MECOM: variants seen among roughly 807,000 people sequenced by gnomAD.
MECOM encodes the protein MDS1 and EVI1 complex locus.
In MECOM, 13 loss-of-function variants were observed where a neutral mutation model predicts 116.3. The observed-to-expected ratio is 0.11, with a 90% CI of 0.07 to 0.18. The LOEUF is 0.18. Ranked by LOEUF, MECOM falls within the 10% of genes least tolerant of loss-of-function variation. The pLI is 1.00. For missense variants in MECOM, 1,299 were observed against 1,509.0 expected, an observed-to-expected ratio of 0.86 and a Z score of 2.31; for synonymous variants, 528 against 535.2, an observed-to-expected ratio of 0.99 and a Z score of 0.19.
chr3:169,386,894 A>G (rs1476052997), intron 1 of MECOM, among the ~76,000 whole-genome samples: 1 of 152,166 alleles, frequency 6.6e-6, no homozygotes, highest in Non-Finnish European at 1.5e-5. Context: ...CTTAATTCAC[A>G]TCTCAGTTGA....
intron 1 of MECOM, among the ~76,000 whole-genome samples, chr3:169,643,421 G>A (rs1276408289): frequency 6.6e-6 from 1 of 152,104 alleles, no homozygotes; most frequent in Non-Finnish European, 1.5e-5. Flanking sequence ...GCTGCACCTT[G>A]CACATCCCCT....
At chr3:169,156,443 C>G (rs1742002441) in intron 2 of MECOM, among the ~76,000 whole-genome samples, 1 of 152,002 alleles carries the variant, frequency 6.6e-6, no homozygotes. Flanking sequence ...TGACTGTTCT[C>G]AACTCTTGAT....
At chr3:169,380,835 G>T (rs945308517) in intron 2 of MECOM, among the ~76,000 whole-genome samples, 2 of 152,064 alleles carry the variant, frequency 1.3e-5, no homozygotes, top group African/African-American at 4.8e-5. Context: ...AAGATAAAAT[G>T]CAATAAACAT....
At chr3:169,454,950 C>T (rs923395412) in intron 1 of MECOM, among the ~76,000 whole-genome samples, 1 of 152,174 alleles carries the variant, frequency 6.6e-6, no homozygotes, top group Non-Finnish European at 1.5e-5. Context: ...TTTTATCTCA[C>T]ATCTAAGACT....
chr3:169,222,528 GA>G (rs1298037946), intron 2 of MECOM, among the ~76,000 whole-genome samples: 4 of 152,100 alleles, frequency 2.6e-5, no homozygotes, highest in African/African-American at 7.2e-5. Flanking sequence ...TGGCAGCGGG[GA>G]AAAAAAGTGT....
chr3:169,432,731 T>C (rs1051433667), intron 1 of MECOM, among the ~76,000 whole-genome samples: 1 of 152,214 alleles, frequency 6.6e-6, no homozygotes, highest in African/African-American at 2.4e-5. Context: ...GTGACCCTTA[T>C]ATCAAAGACT....
intron 2 of MECOM, among the ~76,000 whole-genome samples, chr3:169,261,492 A>C (rs1317934168): frequency 6.6e-6 from 1 of 152,156 alleles, no homozygotes; most frequent in African/African-American, 2.4e-5. Context: ...TGAGGTCAGG[A>C]GTTCAAGACC....
intron 1 of MECOM, among the ~76,000 whole-genome samples, chr3:169,465,208 G>A (rs985482624): frequency 6.6e-6 from 1 of 152,048 alleles, no homozygotes; most frequent in Non-Finnish European, 1.5e-5. Context: ...TGAATTCTGG[G>A]GCTGAACTGC....
intron 2 of MECOM, among the ~76,000 whole-genome samples, chr3:169,178,603 T>A (rs775874202): frequency 1.3e-5 from 2 of 152,170 alleles, no homozygotes; most frequent in Admixed American, 1.3e-4. Context: ...CAAGATAATG[T>A]TCACCAGCCC....
At chr3:169,337,324 T>C (rs372172028) in intron 2 of MECOM, among the ~76,000 whole-genome samples, 51 of 152,310 alleles carry the variant, frequency 3.3e-4, no homozygotes, top group African/African-American at 1.2e-3. Context: ...TACATCTGAA[T>C]GACTCTCTGT....
chr3:169,202,534 GCT>G (rs199563814), intron 2 of MECOM, among the ~76,000 whole-genome samples: 6,862 of 152,114 alleles, frequency 0.045, 222 homozygotes, highest in Middle Eastern at 0.082. Flanking sequence ...AAGGTTTGAA[GCT>G]TTTTACATTA....
chr3:169,455,761 T>C (rs1215014863), intron 1 of MECOM, among the ~76,000 whole-genome samples: 1 of 152,188 alleles, frequency 6.6e-6, no homozygotes, highest in Non-Finnish European at 1.5e-5. Flanking sequence ...ACCAGTCTTA[T>C]ATATGAAACT....
At chr3:169,386,504 T>C (rs151093705) in intron 1 of MECOM, among the ~76,000 whole-genome samples, 2 of 152,328 alleles carry the variant, frequency 1.3e-5, no homozygotes, top group African/African-American at 4.8e-5. Flanking sequence ...GTGAATACTT[T>C]GGCTTTTGAC....
intron 1 of MECOM, among the ~76,000 whole-genome samples, chr3:169,576,796 TACACACAC>T (rs373881811): frequency 0.016 from 2,193 of 136,530 alleles, 48 homozygotes; most frequent in East Asian, 0.058. Context: ...CTTCCTGTTT[TACACACAC>T]ACACACACAC....
intron 2 of MECOM, among the ~76,000 whole-genome samples, chr3:169,183,571 A>G (rs1295774924): frequency 2.0e-5 from 3 of 152,118 alleles, no homozygotes; most frequent in Non-Finnish European, 4.4e-5. Context: ...TTGTAGCAGC[A>G]ACAGCAGGAG....
chr3:169,147,726 G>A lies in MECOM; in HGVS notation c.376-3894C>T, dbSNP rs1053126024. On this transcript the variant is annotated intron_variant, in intron 2 of 16. Transcript: ENST00000651503. Reference sequence around the variant, plus strand: ...GAAAGCACAAGTGTGGTGTGTGTGTGTGTGTGTGCGCGCGAGTGTGTGTGT... The same window carrying A: ...GAAAGCACAAGTGTGGTGTGTGTGTATGTGTGTGCGCGCGAGTGTGTGTGT... 14 of 980,774 alleles carry A rather than the reference G, an allele frequency of 1.4e-5. No individual in the cohort carries two copies. In the East Asian group the frequency reaches 1.3e-3, roughly 89 times the overall value. The allele number at this position is 980,774 out of a possible 1,614,324, so 60.8% of individuals were successfully genotyped here. A position where few individuals can be genotyped will look rare whatever the true frequency, so the allele number is the denominator to read the frequency against.
intron 1 of MECOM, among the ~76,000 whole-genome samples, chr3:169,393,970 GA>G (rs1560217315): frequency 6.6e-6 from 1 of 152,050 alleles, no homozygotes. Flanking sequence ...CTGCTCATGA[GA>G]AAAAATTATA....
chr3:169,270,092 C>T (rs1338962452), intron 2 of MECOM, among the ~76,000 whole-genome samples: 1 of 151,962 alleles, frequency 6.6e-6, no homozygotes, highest in Non-Finnish European at 1.5e-5. Flanking sequence ...TTCAAACGCA[C>T]TCAACAAAAA....
intron 1 of MECOM, among the ~76,000 whole-genome samples, chr3:169,594,475 G>C (rs1299752277): frequency 5.9e-5 from 9 of 152,008 alleles, no homozygotes; most frequent in Admixed American, 5.9e-4. Context: ...TGCAGAATCA[G>C]AAATTCCAGG....
Sources: allele counts gnomAD v4.1 joint callset (sites outside exome capture counted in the v4.1 genomes callset), GRCh38; gene constraint gnomAD v4.1.1; transcripts MANE v1.5; gene names NCBI Gene and HGNC (gene_info 2026-07-23, HGNC 2026-07-21).